Variants in RGL1 observed in about 807,000 individuals in gnomAD.
RGL1 encodes the protein ral guanine nucleotide dissociation stimulator like 1.
Under a neutral mutation model 95.2 loss-of-function variants are expected in RGL1, and 24 were observed. The ratio of observed to expected loss-of-function variants is 0.25; its 90% CI spans 0.18 to 0.35. RGL1 has a LOEUF of 0.35. Ranked by LOEUF, RGL1 falls within the 10% of genes least tolerant of loss-of-function variation. RGL1 has a pLI of 1.00. For missense variants in RGL1, 715 were observed against 936.3 expected (o/e 0.76, Z 3.08); for synonymous variants, 329 against 344.9 (o/e 0.95, Z 0.51).
intron 2 of RGL1, among the ~76,000 whole-genome samples, chr1:183,788,429 A>G (rs1204224140): frequency 1.3e-5 from 2 of 152,158 alleles, no homozygotes; most frequent in Non-Finnish European, 2.9e-5. Context: ...CATTGGGGAG[A>G]GCAATCTATT....
At chr1:183,676,426 T>A (rs1652833654) in intron 1 of RGL1, among the ~76,000 whole-genome samples, 1 of 151,976 alleles carries the variant, frequency 6.6e-6, no homozygotes, top group Admixed American at 6.6e-5. Flanking sequence ...AGTCTTTTCT[T>A]CCCTACACGA....
intron 3 of RGL1, among the ~76,000 whole-genome samples, chr1:183,847,988 A>G (rs1664558835): frequency 6.6e-6 from 1 of 152,228 alleles, no homozygotes; most frequent in African/African-American, 2.4e-5. Flanking sequence ...AAAGATTTAT[A>G]AAAGAGTTGA....
chr1:183,791,746 T>C (rs1471709084), intron 2 of RGL1, among the ~76,000 whole-genome samples: 1 of 152,254 alleles, frequency 6.6e-6, no homozygotes, highest in African/African-American at 2.4e-5. Context: ...CTAAAGTCCA[T>C]TGACTGTATT....
intron 1 of RGL1, among the ~76,000 whole-genome samples, chr1:183,674,358 C>A (rs1246313892): frequency 6.6e-6 from 1 of 152,106 alleles, no homozygotes; most frequent in Non-Finnish European, 1.5e-5. Context: ...GAAGGATACC[C>A]TTTACAGTTG....
chr1:183,678,843 A>G (rs1450318941), intron 1 of RGL1, among the ~76,000 whole-genome samples: 3 of 152,224 alleles, frequency 2.0e-5, no homozygotes, highest in Non-Finnish European at 4.4e-5. Flanking sequence ...AAGGGGTAGA[A>G]AACAGCCTTT....
At chr1:183,673,825 G>T (rs1439119013) in intron 1 of RGL1, among the ~76,000 whole-genome samples, 1 of 152,142 alleles carries the variant, frequency 6.6e-6, no homozygotes, top group African/African-American at 2.4e-5. Flanking sequence ...GTGTGAACTT[G>T]CTGTGTCTTT....
At chr1:183,812,919 A>C (rs1029579045) in intron 2 of RGL1, among the ~76,000 whole-genome samples, 1 of 152,202 alleles carries the variant, frequency 6.6e-6, no homozygotes, top group Non-Finnish European at 1.5e-5. Flanking sequence ...GGCATGAGTC[A>C]TGTCACCAAG....
intron 13 of RGL1, 86 bp downstream of exon 13, chr1:183,905,057 C>A: frequency 6.7e-7 from 1 of 1,489,642 alleles, no homozygotes; most frequent in Non-Finnish European, 9.0e-7. Flanking sequence ...GTCATTTATT[C>A]AACAACTATT....
intron 1 of RGL1, among the ~76,000 whole-genome samples, chr1:183,661,009 C>T (rs1281634104): frequency 4.6e-5 from 7 of 151,928 alleles, no homozygotes; most frequent in South Asian, 2.1e-4. Context: ...TTGAAACCAA[C>T]GAGAACAAAG....
chr1:183,682,996 C>CT (rs199767393), intron 1 of RGL1, among the ~76,000 whole-genome samples: 80 of 145,164 alleles, frequency 5.5e-4, no homozygotes, highest in Middle Eastern at 3.7e-3. Flanking sequence ...GCAACCCCTT[C>CT]TTTTTTTTTT....
At chr1:183,690,305 G>C (rs758059027) in intron 1 of RGL1, among the ~76,000 whole-genome samples, 10 of 152,178 alleles carry the variant, frequency 6.6e-5, no homozygotes, top group Non-Finnish European at 1.3e-4. Context: ...CAGTTTTCCA[G>C]GGAGAATTCT....
intron 2 of RGL1, among the ~76,000 whole-genome samples, chr1:183,774,969 A>G (rs763635393): frequency 7.2e-5 from 11 of 152,114 alleles, no homozygotes; most frequent in Admixed American, 2.6e-4. Context: ...CATCCAGACA[A>G]TGAGACGTCA....
intron 2 of RGL1, among the ~76,000 whole-genome samples, chr1:183,772,575 G>A (rs1659338301): frequency 6.6e-6 from 1 of 152,138 alleles, no homozygotes; most frequent in African/African-American, 2.4e-5. Context: ...CCATGTCCTG[G>A]CATCTGAGAA....
intron 4 of RGL1, among the ~76,000 whole-genome samples, chr1:183,878,387 G>A (rs1215614831): frequency 6.6e-6 from 1 of 151,654 alleles, no homozygotes; most frequent in Non-Finnish European, 1.5e-5. Context: ...TTGTAGAGAT[G>A]GGGTTTCGCC....
At chr1:183,900,453 T>C (rs1326063213) in intron 11 of RGL1, among the ~76,000 whole-genome samples, 1 of 152,226 alleles carries the variant, frequency 6.6e-6, no homozygotes, top group African/African-American at 2.4e-5. Context: ...CAGTGAACGA[T>C]AGTAATAATC....
intron 2 of RGL1, among the ~76,000 whole-genome samples, chr1:183,777,862 C>T (rs534194606): frequency 6.6e-6 from 1 of 152,172 alleles, no homozygotes; most frequent in Non-Finnish European, 1.5e-5. Context: ...TTGAATTCTG[C>T]ATGATGATAG....
intron 3 of RGL1, among the ~76,000 whole-genome samples, chr1:183,848,579 C>G (rs1023599213): frequency 6.6e-6 from 1 of 152,074 alleles, no homozygotes; most frequent in African/African-American, 2.4e-5. Context: ...TGTTTGTTAA[C>G]TAAATTTTTT....
chr1:183,729,909 AAAACTT>A (rs1304600394), intron 1 of RGL1, among the ~76,000 whole-genome samples: 1 of 152,174 alleles, frequency 6.6e-6, no homozygotes, highest in African/African-American at 2.4e-5. Context: ...CTAGAAAAGA[AAAACTT>A]AACATATATT....
At chr1:183,800,056 C>T (rs896616962) in intron 2 of RGL1, among the ~76,000 whole-genome samples, 1 of 152,150 alleles carries the variant, frequency 6.6e-6, no homozygotes, top group Non-Finnish European at 1.5e-5. Context: ...GAGGGTCAGA[C>T]TCTTGGTTGG....
Sources: allele counts gnomAD v4.1 joint callset (sites outside exome capture counted in the v4.1 genomes callset), GRCh38; gene constraint gnomAD v4.1.1; transcripts MANE v1.5; gene names NCBI Gene and HGNC (gene_info 2026-07-23, HGNC 2026-07-21).